The following TMEM135 variants were observed in gnomAD, a reference collection of about 807,000 sequenced individuals.
TMEM135 encodes the protein transmembrane protein 135.
Under a neutral mutation model 60.3 loss-of-function variants are expected in TMEM135, and 30 were observed. That is an observed-to-expected ratio of 0.50 (90% CI 0.37 to 0.68). The LOEUF (loss-of-function observed/expected upper bound fraction) is 0.68, where lower values mean the gene tolerates loss of function less well. Ranked by LOEUF, TMEM135 falls within the 30% of genes least tolerant of loss-of-function variation. The probability of loss-of-function intolerance (pLI) is 0.00; values close to 1 mark genes in which losing one functional copy is unlikely to be tolerated. For synonymous variants in TMEM135, 190 were observed against 186.7 expected (o/e 1.02, Z -0.14); for missense variants, 468 against 548.8 (o/e 0.85, Z 1.47).
chr11:87,193,443 CTGTTT>C (rs1481480376), intron 5 of TMEM135, among the ~76,000 whole-genome samples: 1 of 152,088 alleles, frequency 6.6e-6, no homozygotes, highest in Non-Finnish European at 1.5e-5. Context: ...TCAGGTTCTT[CTGTTT>C]TATTTTCCCA....
At chr11:87,131,390 A>C (rs529658884) in intron 4 of TMEM135, among the ~76,000 whole-genome samples, 2 of 126,940 alleles carry the variant, frequency 1.6e-5, no homozygotes, top group South Asian at 5.2e-4. Flanking sequence ...CCTTTTTCAG[A>C]ATGGGAGAAT....
At chr11:87,259,002 A>G in intron 6 of TMEM135, 1 of 1,524,966 alleles carries the variant, frequency 6.6e-7, no homozygotes, top group Non-Finnish European at 9.1e-7. Flanking sequence ...CCAGGATCAT[A>G]AAGGAAGTGG....
At chr11:87,242,323 T>C (rs1941157756) in intron 6 of TMEM135, among the ~76,000 whole-genome samples, 1 of 151,884 alleles carries the variant, frequency 6.6e-6, no homozygotes, top group South Asian at 2.1e-4. Flanking sequence ...CACGTGCATG[T>C]GTCTTTATAG....
intron 5 of TMEM135, among the ~76,000 whole-genome samples, chr11:87,199,108 T>C (rs1007463548): frequency 6.6e-6 from 1 of 152,222 alleles, no homozygotes; most frequent in Non-Finnish European, 1.5e-5. Flanking sequence ...ACATCTGTAA[T>C]CTCAGCACTT....
Position 87,328,559 on chromosome 11 carries a change from A to G in TMEM135, c.*7226A>G, listed in dbSNP as rs548788959. On this transcript the variant is annotated 3_prime_UTR_variant, in exon 15 of 15. Coordinates refer to ENST00000305494, the MANE Select transcript of TMEM135 (RefSeq NM_022918.4). ...ACTCTGTATACCCTTGTGTATCCAT[A>G]GCTTAGCTCCCACTTACAGTTGAGA... The G allele has an allele frequency of 2.2e-6, 1 of 454,050 alleles. No homozygotes were observed. Among genetic ancestry groups the G allele is most frequent in the African/African-American group, 2.0e-5 (1 of 50,112 alleles). 28.1% of individuals were successfully genotyped at this position (454,050 alleles called of 1,614,324 possible).
At chr11:87,298,828 C>T (rs1415451748) in intron 7 of TMEM135, among the ~76,000 whole-genome samples, 1 of 148,676 alleles carries the variant, frequency 6.7e-6, no homozygotes, top group Non-Finnish European at 1.5e-5. Flanking sequence ...TGGCTCACGC[C>T]TGTAATCCCA....
chr11:87,254,827 C>T (rs541851958), intron 6 of TMEM135, among the ~76,000 whole-genome samples: 49 of 151,982 alleles, frequency 3.2e-4, no homozygotes, highest in African/African-American at 8.7e-4. Context: ...AACTGGAGAT[C>T]TTAGGGAGAG....
At chr11:87,204,499 A>T (rs1940192240) in intron 5 of TMEM135, among the ~76,000 whole-genome samples, 1 of 152,182 alleles carries the variant, frequency 6.6e-6, no homozygotes, top group Non-Finnish European at 1.5e-5. Context: ...TCAATAATTT[A>T]ACTACTAATA....
intron 4 of TMEM135, among the ~76,000 whole-genome samples, chr11:87,152,570 C>G (rs1938583987): frequency 6.6e-6 from 1 of 152,172 alleles, no homozygotes; most frequent in African/African-American, 2.4e-5. Flanking sequence ...TTCCAAGCAG[C>G]TGGGATTACA....
At chr11:87,241,994 C>G (rs1327507287) in intron 6 of TMEM135, among the ~76,000 whole-genome samples, 2 of 151,800 alleles carry the variant, frequency 1.3e-5, no homozygotes, top group East Asian at 1.9e-4. Context: ...ACCTAATGCT[C>G]TCTCCCTGCC....
At chr11:87,099,682 G>GTTTTTTTTT (rs57019125) in intron 4 of TMEM135, among the ~76,000 whole-genome samples, 3,276 of 108,772 alleles carry the variant, frequency 0.03, 154 homozygotes, top group Non-Finnish European at 0.04. Flanking sequence ...TTTCATGGTG[G>GTTTTTTTTT]TTTTTTTTTT....
intron 1 of TMEM135, among the ~76,000 whole-genome samples, chr11:87,061,657 A>AAGGC (rs1304178844): frequency 1.3e-5 from 2 of 152,196 alleles, no homozygotes; most frequent in African/African-American, 2.4e-5. Context: ...TAAGGCTAAG[A>AAGGC]TCATGGGTCT....
intron 4 of TMEM135, among the ~76,000 whole-genome samples, chr11:87,146,760 C>T (rs1938428343): frequency 2.0e-5 from 3 of 152,086 alleles, no homozygotes. Context: ...TTAATACCTG[C>T]ATTGACCACT....
At chr11:87,246,471 T>C (rs1435101740) in intron 6 of TMEM135, among the ~76,000 whole-genome samples, 4 of 152,208 alleles carry the variant, frequency 2.6e-5, no homozygotes, top group Non-Finnish European at 4.4e-5. Flanking sequence ...GCATTCTCCC[T>C]GTCACTTTCA....
intron 3 of TMEM135, among the ~76,000 whole-genome samples, chr11:87,079,529 C>T (rs1856942192): frequency 6.6e-6 from 1 of 151,818 alleles, no homozygotes; most frequent in South Asian, 2.1e-4. Flanking sequence ...TGGTACATTC[C>T]TTGAGATTTT....
chr11:87,262,092 A>G (rs78562529), intron 6 of TMEM135, among the ~76,000 whole-genome samples: 5 of 152,218 alleles, frequency 3.3e-5, no homozygotes, highest in East Asian at 1.9e-4. Flanking sequence ...AAAAAAATCT[A>G]TAAATAAGTA....
chr11:87,071,599 A>G lies in TMEM135; in HGVS notation c.346A>G (p.Ile116Val), dbSNP rs1180955552. ...GCCAGCATCTTATGTGGCCATTCTCATTGAAAGAAAAAGCAGGTAAAATTT... is the reference window on the plus strand; with the variant it reads ...GCCAGCATCTTATGTGGCCATTCTCGTTGAAAGAAAAAGCAGGTAAAATTT... ...ALPASYVAIL[I>V]ERKSRRGLLT... The change falls in exon 3 of 15, where the codon ATT becomes GTT. Residue 116 changes from isoleucine to valine, a missense_variant. Coordinates refer to ENST00000305494, the MANE Select transcript of TMEM135 (RefSeq NM_022918.4). 3 of 1,612,872 alleles carry G rather than the reference A, an allele frequency of 1.9e-6. No individual in the cohort carries two copies. The South Asian group carries it at 3.3e-5, about 18-fold the overall frequency.
At chr11:87,206,205 G>C (rs1253093169) in intron 5 of TMEM135, among the ~76,000 whole-genome samples, 3 of 152,144 alleles carry the variant, frequency 2.0e-5, no homozygotes, top group African/African-American at 7.2e-5. Context: ...CAAAACTTCA[G>C]AAACAGCATC....
intron 4 of TMEM135, chr11:87,094,862 G>C: frequency 6.1e-6 from 1 of 163,438 alleles, no homozygotes. Context: ...TTTGAAAGAT[G>C]GTATAATCCA....
Sources: allele counts gnomAD v4.1 joint callset (sites outside exome capture counted in the v4.1 genomes callset), GRCh38; gene constraint gnomAD v4.1.1; transcripts MANE v1.5; gene names NCBI Gene and HGNC (gene_info 2026-07-23, HGNC 2026-07-21).